MCTP1: variants seen among roughly 807,000 people sequenced by gnomAD.
The protein encoded by MCTP1 is multiple C2 and transmembrane domain-containing protein 1.
In MCTP1, 69 loss-of-function variants were observed where a neutral mutation model predicts 120.6. The ratio of observed to expected loss-of-function variants is 0.57; its 90% confidence interval spans 0.47 to 0.70. The LOEUF is 0.70. Ranked by LOEUF, MCTP1 falls within the 30% of genes least tolerant of loss-of-function variation. The probability of loss-of-function intolerance (pLI) is 0.00; values close to 1 mark genes in which losing one functional copy is unlikely to be tolerated. For synonymous variants in MCTP1, 529 were observed against 493.1 expected (o/e 1.07, Z -0.96); for missense variants, 1,203 against 1,248.8 (o/e 0.96, Z 0.55).
At position 95,276,383 on chromosome 5, in the gene MCTP1, C is replaced by T. The variant is rs545825370; in HGVS notation, c.720+7473G>A. ...AAGCGATTCTCCTGTCTCAGCCTCC[C>T]GACTAGCTGGGATTATAGGTACCTA... On this transcript the variant is annotated intron_variant, in intron 1 of 22. Transcript: ENST00000515393. Among the ~76,000 whole-genome samples, 443 of 150,570 alleles carry T rather than the reference C, an allele frequency of 2.9e-3. 2 individuals carry two copies. Among genetic ancestry groups the T allele is most frequent in the African/African-American group, 9.9e-3 (408 of 41,070 alleles).
intron 12 of MCTP1, among the ~76,000 whole-genome samples, chr5:94,882,857 T>C (rs890722535): frequency 7.2e-5 from 11 of 152,202 alleles, no homozygotes; most frequent in Admixed American, 6.5e-4. Context: ...CTTCTAACCA[T>C]GTGACCTGCA....
intron 1 of MCTP1, among the ~76,000 whole-genome samples, chr5:95,207,225 C>T (rs974563410): frequency 2.0e-5 from 3 of 152,062 alleles, no homozygotes; most frequent in Non-Finnish European, 2.9e-5. Context: ...TGGCAAGTTC[C>T]CATCAAGATA....
At chr5:95,100,285 A>G (rs1304664991) in intron 1 of MCTP1, among the ~76,000 whole-genome samples, 1 of 152,128 alleles carries the variant, frequency 6.6e-6, no homozygotes, top group Non-Finnish European at 1.5e-5. Flanking sequence ...ATAAAAAAAA[A>G]TTAAAAAAAA....
chr5:94,870,355 T>C (rs1797609833), intron 16 of MCTP1, 62 bp downstream of exon 16: 1 of 1,113,384 alleles, frequency 9.0e-7, no homozygotes, highest in Non-Finnish European at 1.4e-6. Flanking sequence ...TTGAATTTAC[T>C]TAGATGTTTT....
In MCTP1 at chr5:94,707,132, C is replaced by T. The variant is rs79446042; in HGVS notation, c.*364G>A. The T allele has an allele frequency of 6.2e-5, 10 of 160,416 alleles. No homozygotes were observed. The East Asian group carries it at 1.6e-3, about 26-fold the overall frequency. 9.9% of individuals were successfully genotyped at this position (160,416 alleles called of 1,614,324 possible). On this transcript the variant is annotated 3_prime_UTR_variant, in exon 23 of 23. Transcript: ENST00000515393. ...TTAAAAAAAAACTTTAAAATCAAAT[C>T]GACATTTACAATTGATGTAGATTTA...
At chr5:94,891,085 A>T (rs545333083) in intron 11 of MCTP1, among the ~76,000 whole-genome samples, 9 of 152,276 alleles carry the variant, frequency 5.9e-5, no homozygotes, top group African/African-American at 1.9e-4. Context: ...GTTTACACTG[A>T]AACTATGACC....
intron 1 of MCTP1, among the ~76,000 whole-genome samples, chr5:95,250,673 C>T (rs998524561): frequency 6.6e-6 from 1 of 152,122 alleles, no homozygotes; most frequent in Non-Finnish European, 1.5e-5. Context: ...AAAATGGAAG[C>T]GTTCTTGAGT....
Position 95,284,724 on chromosome 5 carries a change from C to T in MCTP1, c.-149G>A, listed in dbSNP as rs1304165649. The T allele has an allele frequency of 1.3e-5, 8 of 615,446 alleles. No individual in the cohort carries two copies. The African/African-American group carries it at 1.4e-4, about 11-fold the overall frequency. 38.1% of individuals were successfully genotyped at this position (615,446 alleles called of 1,614,324 possible). ...GGCGCAGCAGCAGAAACCGGGAGTG[C>T]CCAGCGACTTCAGGCCAGCTCGGGG... is the stretch of plus-strand genomic sequence containing the variant. On this transcript the variant is annotated 5_prime_UTR_variant, in exon 1 of 23. Coordinates refer to ENST00000515393, the MANE Select transcript of MCTP1 (RefSeq NM_024717.7). This position sits in a 1 kb window ranked among gnomAD's most constrained non-coding sequence, Gnocchi z 5.2.
At chr5:95,088,241 T>C (rs1455830827) in intron 1 of MCTP1, among the ~76,000 whole-genome samples, 1 of 152,198 alleles carries the variant, frequency 6.6e-6, no homozygotes, top group Admixed American at 6.5e-5. Flanking sequence ...GCAAGGCCCG[T>C]TGGGATCTTA....
intron 19 of MCTP1, among the ~76,000 whole-genome samples, chr5:94,775,510 C>A (rs1179690774): frequency 6.6e-6 from 1 of 152,054 alleles, no homozygotes; most frequent in African/African-American, 2.4e-5. Flanking sequence ...TTCTATTAAC[C>A]ACAAAGGCAG....
chr5:95,078,166 T>C (rs1754098385), intron 1 of MCTP1, among the ~76,000 whole-genome samples: 1 of 152,202 alleles, frequency 6.6e-6, no homozygotes, highest in African/African-American at 2.4e-5. Flanking sequence ...AAAATGGACC[T>C]AGTTGTATAA....
chr5:95,100,753 C>T (rs1045780734), intron 1 of MCTP1, among the ~76,000 whole-genome samples: 12 of 152,052 alleles, frequency 7.9e-5, no homozygotes, highest in Admixed American at 1.3e-4. Context: ...CATATCCCAG[C>T]GATGATATCA....
chr5:95,203,669 G>A (rs1022005150), intron 1 of MCTP1, among the ~76,000 whole-genome samples: 3 of 152,332 alleles, frequency 2.0e-5, no homozygotes, highest in African/African-American at 7.2e-5. Flanking sequence ...ACATGAGTGA[G>A]TGAAAGAAAG....
rs139438241 is a variant in MCTP1, at chr5:95,101,634, G to C, written c.721-84150C>G. Among the ~76,000 whole-genome samples the C allele has an allele frequency of 5.1e-3, 776 of 152,274 alleles. 2 individuals carry two copies. The highest frequency in any genetic ancestry group is 0.017 in the African/African-American group (722 of 41,548). ...GTGTGCCCAGGGAAAGGGGGCTGCA[G>C]GCACATGTTCACCTGGCAGACAGAA... On this transcript the variant is annotated intron_variant, in intron 1 of 22. Coordinates refer to ENST00000515393, the MANE Select transcript of MCTP1 (RefSeq NM_024717.7).
At chr5:94,962,444 A>T (rs1824503788) in intron 2 of MCTP1, among the ~76,000 whole-genome samples, 1 of 149,586 alleles carries the variant, frequency 6.7e-6, no homozygotes, top group African/African-American at 2.4e-5. Context: ...TATATATATC[A>T]TATATTGTAT....
chr5:95,095,300 G>T (rs937160086), intron 1 of MCTP1, among the ~76,000 whole-genome samples: 1 of 152,088 alleles, frequency 6.6e-6, no homozygotes, highest in African/African-American at 2.4e-5. Flanking sequence ...TGGGATTACA[G>T]GCGTGAGCCA....
At chr5:95,045,659 A>T (rs79624620) in intron 1 of MCTP1, among the ~76,000 whole-genome samples, 5,234 of 152,248 alleles carry the variant, frequency 0.034, 96 homozygotes, top group Admixed American at 0.046. Flanking sequence ...GTTATGTGTG[A>T]GCCAAAGGGA....
chr5:94,770,051 T>C (rs1173663098), intron 19 of MCTP1, among the ~76,000 whole-genome samples: 1 of 152,108 alleles, frequency 6.6e-6, no homozygotes, highest in Non-Finnish European at 1.5e-5. Flanking sequence ...ATCTGCAGAG[T>C]CAATGTCTTT....
chr5:94,897,951 T>C (rs1190874314), intron 10 of MCTP1, among the ~76,000 whole-genome samples: 1 of 152,146 alleles, frequency 6.6e-6, no homozygotes, highest in Admixed American at 6.5e-5. Flanking sequence ...GCTTTAAAAA[T>C]ATATATAAAC....
Sources: allele counts gnomAD v4.1 joint callset (sites outside exome capture counted in the v4.1 genomes callset), GRCh38; gene constraint gnomAD v4.1.1; non-coding constraint Gnocchi (gnomAD v3.1); transcripts MANE v1.5; gene names NCBI Gene and HGNC (gene_info 2026-07-23, HGNC 2026-07-21).